Variants in CPSF1 observed in about 807,000 individuals in gnomAD.
The protein encoded by CPSF1 is cleavage and polyadenylation specific factor 1.
Under a neutral mutation model 175.8 loss-of-function variants are expected in CPSF1, and 106 were observed. That is an observed-to-expected ratio of 0.60 (90% CI 0.52 to 0.71). The LOEUF (loss-of-function observed/expected upper bound fraction) is 0.71, where lower values mean the gene tolerates loss of function less well. CPSF1 is among the 30% of genes least tolerant of loss of function. The pLI is 0.00. For synonymous variants in CPSF1, 1,024 were observed against 858.3 expected (o/e 1.19, Z -3.37); for missense variants, 1,734 against 2,022.9 (o/e 0.86, Z 2.74).
Position 144,397,968 on chromosome 8 carries a change from G to T in CPSF1, c.2059C>A (p.Pro687Thr), listed in dbSNP as rs782469446. The change falls in exon 20 of 38, where the codon CCC becomes ACC. Residue 687 changes from proline to threonine, a missense_variant. Transcript: ENST00000616140. ...GRHHRLALHK[P>T]PLHHQSKVIT... ...AGGGGGCCTACATGGTGCAGCGGGG[G>T]CTTGTGCAGCGCCAGGCGGTGGTGG... 1 of 1,609,416 alleles carries T rather than the reference G, an allele frequency of 6.2e-7. No homozygotes were observed. The highest frequency in any genetic ancestry group is 8.5e-7 in the Non-Finnish European group (1 of 1,179,056).
chr8:144,407,217 C>CTTT (rs797033988), intron 2 of CPSF1, among the ~76,000 whole-genome samples: 2 of 138,458 alleles, frequency 1.4e-5, no homozygotes, highest in Non-Finnish European at 1.6e-5. Flanking sequence ...CGTGCCTGGC[C>CTTT]TTTTTTTTTT....
intron 5 of CPSF1, 23 bp from the exon 6 acceptor site, chr8:144,401,098 C>T: frequency 6.2e-7 from 1 of 1,604,872 alleles, no homozygotes; most frequent in Non-Finnish European, 8.5e-7. Context: ...GGGGCATCAG[C>T]CAGGCCCAGC....
At chr8:144,408,933 C>T (rs1821643850) in intron 2 of CPSF1, 82 bp downstream of exon 2, 9 of 1,525,982 alleles carry the variant, frequency 5.9e-6, no homozygotes, top group Non-Finnish European at 8.0e-6. Context: ...TTGTCTGGGG[C>T]TTGGCTCTTC....
In CPSF1 at chr8:144,398,080, G is replaced by T; in HGVS notation, c.1947C>A (p.Cys649Ter). ...TGACCACATAGGGGTCGGCCACGGC[G>T]CACTGCACGATGGGGGCGCCCAGGT... ...PVDLGAPIVQ[C>*]AVADPYVVIM... Residue 649 changes from cysteine (C) to a stop codon, truncating the protein, a stop_gained, in exon 20 of 38, where the codon TGC (cysteine) becomes TGA (stop). Coordinates refer to ENST00000616140, the MANE Select transcript of CPSF1 (RefSeq NM_013291.3). LOFTEE classifies it high-confidence loss of function. The T allele has an allele frequency of 1.2e-6, 2 of 1,611,580 alleles. No individual in the cohort carries two copies. The highest frequency in any genetic ancestry group is 1.7e-6 in the Non-Finnish European group (2 of 1,179,272).
chr8:144,403,844 C>G (rs1821354153), intron 2 of CPSF1, among the ~76,000 whole-genome samples: 1 of 151,972 alleles, frequency 6.6e-6, no homozygotes, highest in African/African-American at 2.4e-5. Context: ...GCCACCGCGC[C>G]CAACTTCCTT....
rs367860775 is a variant in CPSF1 at position 144,396,951 on chromosome 8, T to C, written c.2593-22A>G. On this transcript the variant is annotated intron_variant, in intron 23 of 37. Transcript: ENST00000616140. ...GCACCTGGCAGGATGAGGGGAGCCA[T>C]GGGGGAACGGGCAGGGCCATGGAGA... is the stretch of plus-strand genomic sequence containing the variant. The C allele has an allele frequency of 7.0e-6, 11 of 1,570,900 alleles. No individual in the cohort carries two copies. In the East Asian group the frequency reaches 1.1e-4, roughly 16 times the overall value.
rs1430564781 is a variant in CPSF1 at position 144,394,376 on chromosome 8, T to C, written c.3744+3A>G. On this transcript the variant is annotated splice_donor_region_variant and intron_variant, in intron 32 of 37. Coordinates refer to ENST00000616140, the MANE Select transcript of CPSF1 (RefSeq NM_013291.3). Reference sequence around the variant, plus strand: ...GACACGAGCACCGCCGCCACAGGTGTACCCGCGACACCAGGCTCAGCGTCT... The same window carrying C: ...GACACGAGCACCGCCGCCACAGGTGCACCCGCGACACCAGGCTCAGCGTCT... The C allele has an allele frequency of 1.9e-6, 3 of 1,602,152 alleles. No individual in the cohort carries two copies. Among genetic ancestry groups the C allele is most frequent in the African/African-American group, 1.3e-5 (1 of 74,768 alleles).
intron 36 of CPSF1, 29 bp from the exon 37 acceptor site, chr8:144,393,619 C>A (rs1554862193): frequency 6.3e-7 from 1 of 1,593,114 alleles, no homozygotes; most frequent in Non-Finnish European, 8.5e-7. Flanking sequence ...GGTGTCAGGG[C>A]AGGCTGGGGT....
Position 144,395,300 on chromosome 8 carries a change from GT to G in CPSF1, c.3151del (p.Thr1051LeufsTer50). On this transcript the variant is annotated frameshift_variant, in exon 28 of 38. Transcript: ENST00000616140. LOFTEE classifies it high-confidence loss of function. ...GGTCTCAAACTCCTTCTCCTCGCCAGTCATGCGTGGGATGCGGGCACACGGC... is the reference window on the plus strand; with the variant it reads ...GGTCTCAAACTCCTTCTCCTCGCCAGCATGCGTGGGATGCGGGCACACGGC... ...NTPCARIPRM[T>X]GEEKEFETIE... 6.2e-7 allele frequency: 1 copy of G among 1,613,464 alleles called. No homozygotes were observed. Among genetic ancestry groups the G allele is most frequent in the Non-Finnish European group, 8.5e-7 (1 of 1,179,978 alleles).
chr8:144,396,947 G>A lies in CPSF1; in HGVS notation c.2593-18C>T. 6.3e-7 allele frequency: 1 copy of A among 1,585,718 alleles called. No homozygotes were observed. The highest frequency in any genetic ancestry group is 8.6e-7 in the Non-Finnish European group (1 of 1,156,178). On this transcript the variant is annotated intron_variant, in intron 23 of 37. Coordinates refer to ENST00000616140, the MANE Select transcript of CPSF1 (RefSeq NM_013291.3). ...ACATGCACCTGGCAGGATGAGGGGAGCCATGGGGGAACGGGCAGGGCCATG... is the reference window on the plus strand; with the variant it reads ...ACATGCACCTGGCAGGATGAGGGGAACCATGGGGGAACGGGCAGGGCCATG...
intron 31 of CPSF1, 24 bp downstream of exon 31, chr8:144,394,620 A>C: frequency 6.2e-7 from 1 of 1,601,952 alleles, no homozygotes; most frequent in Non-Finnish European, 8.5e-7. Flanking sequence ...GCCGGGGGAC[A>C]CACGCCGGGT....
At chr8:144,400,135 G>GGGGGCCCCCC in intron 9 of CPSF1, 31 bp downstream of exon 9, 94 of 895,802 alleles carry the variant, frequency 1.0e-4, no homozygotes, top group Non-Finnish European at 1.5e-4. Context: ...CCGTCCCCGG[G>GGGGGCCCCCC]CCCCCCCCGC....
At position 144,393,540 on chromosome 8, in the gene CPSF1, A is replaced by G; in HGVS notation, c.4196T>C (p.Leu1399Pro). 1 of 1,601,084 alleles carries G rather than the reference A, an allele frequency of 6.2e-7. No homozygotes were observed. The highest frequency in any genetic ancestry group is 8.5e-7 in the Non-Finnish European group (1 of 1,175,802). Residue 1399 changes from leucine to proline, a missense_variant, in exon 37 of 38, where the codon CTG becomes CCG. By Grantham distance (98) the Leu-to-Pro change is moderately conservative. Around this residue, in one of 10 missense-constraint regions of CPSF1, gnomAD observed 323 missense variants for 338.5 expected, o/e 0.95. Transcript: ENST00000616140. The stretch of plus-strand genomic sequence containing the variant: ...GTAGCGGTTGAGCAGCTCCCCATCC[A>G]GCACGTTGCGCACGGCATTCTGGAG... Reference protein sequence around the residue: ...RTLQNAVRNVLDGELLNRYLY... With the variant: ...RTLQNAVRNVPDGELLNRYLY...
At position 144,394,778 on chromosome 8, in the gene CPSF1, T is replaced by C; in HGVS notation, c.3433A>G (p.Ile1145Val). 6.2e-7 allele frequency: 1 copy of C among 1,613,536 alleles called. No individual in the cohort carries two copies. Among genetic ancestry groups the C allele is most frequent in the Non-Finnish European group, 8.5e-7 (1 of 1,179,930 alleles). The change falls in exon 31 of 38, where the codon ATT becomes GTT. Residue 1145 changes from isoleucine (I) to valine (V), a missense_variant. This residue lies in a region of CPSF1 where 62 missense variants were observed against 124.5 expected (regional missense o/e 0.50). Transcript: ENST00000616140. ...CRGRILIMDVIEVVPEPGQPL... is the reference protein window; with the variant it reads ...CRGRILIMDVVEVVPEPGQPL... Reference sequence around the variant, plus strand: ...TGGCCAGGCTCGGGCACCACCTCAATCACATCCATGATCAAGATCTGGAGG... The same window carrying C: ...TGGCCAGGCTCGGGCACCACCTCAACCACATCCATGATCAAGATCTGGAGG...
At position 144,398,543 on chromosome 8, in the gene CPSF1, G is replaced by A. The variant is rs2116852077; in HGVS notation, c.1734C>T (p.Ser578=). The A allele has an allele frequency of 4.3e-6, 7 of 1,613,808 alleles. No individual in the cohort carries two copies. Among genetic ancestry groups the A allele is most frequent in the Non-Finnish European group, 5.9e-6 (7 of 1,179,932 alleles). The change falls in exon 18 of 38, where the codon AGC becomes AGT. Residue 578 remains serine, a synonymous_variant. Coordinates refer to ENST00000616140, the MANE Select transcript of CPSF1 (RefSeq NM_013291.3). ...CCCTCACCATGGTGGAGTCTTCCCG[G>A]CTCAGAATCAGGAATCCGTGTCTGC... is the stretch of plus-strand genomic sequence containing the variant. ...DGRRHGFLIL[S]REDSTMILQT...
chr8:144,402,806 C>A (rs1223593107), intron 2 of CPSF1, among the ~76,000 whole-genome samples: 1 of 152,054 alleles, frequency 6.6e-6, no homozygotes, highest in Non-Finnish European at 1.5e-5. Flanking sequence ...CTGACGGCAC[C>A]GCAGGTGGCT....
intron 9 of CPSF1, 21 bp downstream of exon 9, chr8:144,400,145 C>CT: frequency 7.3e-7 from 1 of 1,367,644 alleles, no homozygotes; most frequent in African/African-American, 1.5e-5. Context: ...GCCCCCCCCG[C>CT]CCCAGCCACC....
At chr8:144,396,258 G>C in intron 26 of CPSF1, 90 bp downstream of exon 26, 1 of 1,334,076 alleles carries the variant, frequency 7.5e-7, no homozygotes, top group African/African-American at 1.5e-5. Context: ...CCTCAGGGTG[G>C]AGCCAATGGT....
rs2116849861 is a variant in CPSF1, at chr8:144,398,447, C to T, written c.1753-4G>A. On this transcript the variant is annotated splice_region_variant and splice_polypyrimidine_tract_variant and intron_variant, in intron 18 of 37. Coordinates refer to ENST00000616140, the MANE Select transcript of CPSF1 (RefSeq NM_013291.3). Reference sequence around the variant, plus strand: ...TCTCCTGCCCCGTCTGCAGGATCTGCGGGCGACAGCTGTGAGGGAGGCGCC... The same window carrying T: ...TCTCCTGCCCCGTCTGCAGGATCTGTGGGCGACAGCTGTGAGGGAGGCGCC... 8 of 1,613,616 alleles carry T rather than the reference C, an allele frequency of 5.0e-6. No individual in the cohort carries two copies. Among genetic ancestry groups the T allele is most frequent in the African/African-American group, 1.3e-5 (1 of 74,940 alleles).
Sources: gnomAD v4.1 joint callset for allele counts (sites outside exome capture counted in the v4.1 genomes callset) on GRCh38, gnomAD v4.1.1 for gene constraint, gnomAD v4.1.1 regional missense constraint, MANE v1.5 for transcripts, NCBI Gene and HGNC (gene_info 2026-07-23, HGNC 2026-07-21) for gene names.